Variants in DLG2 observed in about 807,000 individuals in gnomAD.
The protein encoded by DLG2 is discs large MAGUK scaffold protein 2.
Under a neutral mutation model 132.5 loss-of-function variants are expected in DLG2, and 45 were observed. The ratio of observed to expected loss-of-function variants is 0.34; its 90% CI spans 0.27 to 0.44. DLG2 has a LOEUF of 0.44. DLG2 is among the 20% of genes least tolerant of loss of function. The pLI is 1.00. For synonymous variants in DLG2, 424 were observed against 419.6 expected, an observed-to-expected ratio of 1.01 and a Z score of -0.13; for missense variants, 1,045 against 1,196.9, an observed-to-expected ratio of 0.87 and a Z score of 1.87.
chr11:84,504,995 T>A (rs2099234676), intron 7 of DLG2, among the ~76,000 whole-genome samples: 1 of 152,166 alleles, frequency 6.6e-6, no homozygotes, highest in South Asian at 2.1e-4. Flanking sequence ...TTCACTCTTT[T>A]ATATTCTTTT....
chr11:83,693,276 T>C (rs2081305142), intron 18 of DLG2, among the ~76,000 whole-genome samples: 1 of 152,166 alleles, frequency 6.6e-6, no homozygotes, highest in Admixed American at 6.5e-5. Context: ...CAGGAAAAGT[T>C]GTCTGGTGAA....
At chr11:83,921,468 C>T (rs1284214484) in intron 15 of DLG2, among the ~76,000 whole-genome samples, 3 of 152,126 alleles carry the variant, frequency 2.0e-5, no homozygotes, top group Non-Finnish European at 2.9e-5. Flanking sequence ...TCATAGCTAC[C>T]GCATAAGTCA....
intron 10 of DLG2, among the ~76,000 whole-genome samples, chr11:84,086,510 G>A (rs1309756573): frequency 7.9e-6 from 1 of 125,986 alleles, no homozygotes; most frequent in African/African-American, 3.1e-5. Flanking sequence ...TTTTTTTTGA[G>A]ACAAGGTGTT....
chr11:83,997,631 T>C (rs890798000), intron 11 of DLG2, among the ~76,000 whole-genome samples: 1 of 145,776 alleles, frequency 6.9e-6, no homozygotes, highest in African/African-American at 2.5e-5. Context: ...CTCAGGAGTC[T>C]GAGGGATAAG....
intron 6 of DLG2, among the ~76,000 whole-genome samples, chr11:84,991,620 A>G (rs2057135947): frequency 6.6e-6 from 1 of 152,120 alleles, no homozygotes; most frequent in Non-Finnish European, 1.5e-5. Context: ...TATTGCTATA[A>G]AAGGACAACA....
intron 7 of DLG2, among the ~76,000 whole-genome samples, chr11:84,320,422 C>T (rs550114437): frequency 4.8e-4 from 73 of 152,254 alleles, no homozygotes; most frequent in African/African-American, 1.7e-3. Flanking sequence ...TAAAGAGTGA[C>T]TGGTGACAGA....
chr11:85,035,491 G>C (rs901214169), intron 6 of DLG2, among the ~76,000 whole-genome samples: 4 of 152,058 alleles, frequency 2.6e-5, no homozygotes, highest in Non-Finnish European at 5.9e-5. Context: ...AGAGGTGAGA[G>C]AGAAGGAAAA....
intron 21 of DLG2, among the ~76,000 whole-genome samples, chr11:83,502,568 T>C (rs555970354): frequency 6.6e-6 from 1 of 152,300 alleles, no homozygotes; most frequent in South Asian, 2.1e-4. Flanking sequence ...AGTAATATGC[T>C]CATTTGCAGG....
Position 85,229,174 on chromosome 11 carries a change from A to AGCTG in DLG2, c.186+56045_186+56046insCAGC, listed in dbSNP as rs1480029550. Among the ~76,000 whole-genome samples, 15 of 119,374 alleles carry AGCTG rather than the reference A, an allele frequency of 1.3e-4. 1 individual carries two copies. Among genetic ancestry groups the AGCTG allele is most frequent in the African/African-American group, 4.5e-4 (15 of 33,646 alleles). The allele number at this position is 119,374 out of a possible 152,430, so 78.3% of individuals were successfully genotyped here. On this transcript the variant is annotated intron_variant, in intron 4 of 27. Transcript: ENST00000376104. ...CATATGTTGTATACATATCCTATAG[A>AGCTG]TCAACAACACAGTATTTTTTTTTTA...
intron 18 of DLG2, among the ~76,000 whole-genome samples, chr11:83,731,601 T>A (rs942678220): frequency 1.6e-4 from 24 of 152,216 alleles, no homozygotes. Context: ...TAAACACACA[T>A]GTGCATATGT....
chr11:83,848,359 T>C (rs1021081865), intron 16 of DLG2, among the ~76,000 whole-genome samples: 8 of 152,200 alleles, frequency 5.3e-5, no homozygotes, highest in African/African-American at 1.9e-4. Context: ...GTCTTATCCT[T>C]TGCTATATTG....
intron 3 of DLG2, among the ~76,000 whole-genome samples, chr11:85,322,975 A>G (rs117229756): frequency 7.5e-4 from 114 of 152,330 alleles, no homozygotes; most frequent in Non-Finnish European, 1.4e-3. Context: ...ATGCACACAC[A>G]ACCCCCATTG....
intron 6 of DLG2, among the ~76,000 whole-genome samples, chr11:84,761,867 T>C (rs760454534): frequency 1.3e-5 from 2 of 152,174 alleles, no homozygotes; most frequent in Non-Finnish European, 2.9e-5. Context: ...TATTCATCTA[T>C]CTTATCCGTT....
At chr11:83,802,769 T>C (rs956459775) in intron 17 of DLG2, among the ~76,000 whole-genome samples, 2 of 152,112 alleles carry the variant, frequency 1.3e-5, no homozygotes, top group African/African-American at 2.4e-5. Flanking sequence ...TGTAGAACTA[T>C]ATGTGTATCT....
intron 4 of DLG2, among the ~76,000 whole-genome samples, chr11:85,247,707 G>T (rs935019964): frequency 2.0e-5 from 3 of 152,026 alleles, no homozygotes; most frequent in Admixed American, 6.6e-5. Flanking sequence ...AATCTTTTCT[G>T]TCTCTTGAAA....
chr11:84,363,070 C>A (rs1290145573), intron 7 of DLG2, among the ~76,000 whole-genome samples: 1 of 149,738 alleles, frequency 6.7e-6, no homozygotes, highest in East Asian at 2.0e-4. Context: ...TTCTAGATCC[C>A]TGAGGAATCG....
At chr11:85,430,179 A>T (rs1435067185) in intron 3 of DLG2, among the ~76,000 whole-genome samples, 1 of 135,954 alleles carries the variant, frequency 7.4e-6, no homozygotes. Flanking sequence ...TGGACACAGG[A>T]AGTGGAACAT....
intron 16 of DLG2, among the ~76,000 whole-genome samples, chr11:83,858,566 A>G (rs1251451204): frequency 6.6e-6 from 1 of 152,074 alleles, no homozygotes; most frequent in African/African-American, 2.4e-5. Flanking sequence ...CCCTTAGATC[A>G]TTTTCTCACA....
At chr11:84,809,128 C>T (rs1039780534) in intron 6 of DLG2, among the ~76,000 whole-genome samples, 3 of 151,936 alleles carry the variant, frequency 2.0e-5, no homozygotes, top group African/African-American at 7.2e-5. Context: ...AAGACTGCTT[C>T]AGTATTTGAA....
Sources: gnomAD v4.1 joint callset for allele counts (sites outside exome capture counted in the v4.1 genomes callset) on GRCh38, gnomAD v4.1.1 for gene constraint, MANE v1.5 for transcripts, NCBI Gene and HGNC (gene_info 2026-07-23, HGNC 2026-07-21) for gene names.